STAP1: variants seen among roughly 807,000 people sequenced by gnomAD.
STAP1 encodes signal-transducing adaptor protein 1.
In STAP1, 30 loss-of-function variants were observed where a neutral mutation model predicts 37.8. The ratio of observed to expected loss-of-function variants is 0.79; its 90% CI spans 0.59 to 1.08. The LOEUF (loss-of-function observed/expected upper bound fraction) is 1.08, where lower values mean the gene tolerates loss of function less well. Among genes scored for constraint, STAP1 ranks in the 50% least tolerant of loss-of-function variants. STAP1 has a pLI of 0.00. For synonymous variants in STAP1, 130 were observed against 116.0 expected, an observed-to-expected ratio of 1.12 and a Z score of -0.78; for missense variants, 357 against 349.4, an observed-to-expected ratio of 1.02 and a Z score of -0.17.
At chr4:67,569,204 T>C (rs187028875) in intron 1 of STAP1, among the ~76,000 whole-genome samples, 2 of 152,334 alleles carry the variant, frequency 1.3e-5, no homozygotes, top group Non-Finnish European at 2.9e-5. Flanking sequence ...TATCTAAACA[T>C]ATCTAAACAT....
chr4:67,588,013 C>T (rs1416567710), intron 6 of STAP1, among the ~76,000 whole-genome samples: 5 of 141,228 alleles, frequency 3.5e-5, no homozygotes, highest in East Asian at 2.1e-4. Context: ...TGTGAGCCAC[C>T]GCACCCGGCT....
At chr4:67,564,487 T>A (rs1220644084) in intron 1 of STAP1, among the ~76,000 whole-genome samples, 2 of 152,220 alleles carry the variant, frequency 1.3e-5, no homozygotes, top group African/African-American at 4.8e-5. Context: ...TCAGTAATAC[T>A]AGTTTTTATA....
Position 67,581,400 on chromosome 4 carries a change from G to A in STAP1, c.459G>A (p.Glu153=), listed in dbSNP as rs1727853837. ...EREKKRRIET[E]QSTSVEKEKE... ...AAAAGAAAAGGAGGATTGAGACAGA[G>A]CAGAGTACGTCCGTGGAAAAAGAGA... The change falls in exon 5 of 9, where the codon GAG becomes GAA. Residue 153 remains glutamate (E), a synonymous_variant. Transcript: ENST00000265404. 1 of 1,613,984 alleles carries A rather than the reference G, an allele frequency of 6.2e-7. No individual in the cohort carries two copies. Among genetic ancestry groups the A allele is most frequent in the African/African-American group, 1.3e-5 (1 of 74,948 alleles).
At chr4:67,582,472 C>G (rs1727885955) in intron 5 of STAP1, among the ~76,000 whole-genome samples, 1 of 151,892 alleles carries the variant, frequency 6.6e-6, no homozygotes, top group Admixed American at 6.6e-5. Flanking sequence ...CCGTGCCCAG[C>G]TAATTTTTGT....
intron 4 of STAP1, 105 bp downstream of exon 4, chr4:67,577,364 T>A (rs1005588482): frequency 2.1e-6 from 2 of 947,802 alleles, no homozygotes; most frequent in African/African-American, 1.7e-5. Context: ...ATATAGCAAT[T>A]GAAAAAGATA....
At chr4:67,586,177 G>A (rs1560463387) in intron 6 of STAP1, among the ~76,000 whole-genome samples, 1 of 151,846 alleles carries the variant, frequency 6.6e-6, no homozygotes, top group Admixed American at 6.6e-5. Context: ...TGCATATTTC[G>A]GCCAGGCACG....
chr4:67,585,176 A>C (rs1727953299), intron 6 of STAP1, among the ~76,000 whole-genome samples: 1 of 152,196 alleles, frequency 6.6e-6, no homozygotes, highest in African/African-American at 2.4e-5. Context: ...TCTTTAATAT[A>C]TATGCATAAA....
intron 2 of STAP1, among the ~76,000 whole-genome samples, chr4:67,571,979 G>A (rs3775864): frequency 0.8 from 121,962 of 152,224 alleles, 50,041 homozygotes; most frequent in Non-Finnish European, 0.9. Context: ...GTCAGTAAAT[G>A]TAAAAGAGCT....
At chr4:67,571,276 A>G in intron 2 of STAP1, 121 bp downstream of exon 2, 1 of 688,416 alleles carries the variant, frequency 1.5e-6, no homozygotes, top group East Asian at 2.8e-5. Context: ...ATTAATTCAA[A>G]AAATAAAGTT....
Position 67,577,214 on chromosome 4 carries a change from A to G in STAP1, c.318A>G (p.Thr106=). The G allele has an allele frequency of 6.2e-7, 1 of 1,611,106 alleles. No homozygotes were observed. Among genetic ancestry groups the G allele is most frequent in the South Asian group, 1.1e-5 (1 of 90,312 alleles). ...KEEVQLKTEN[T]ESGEEWRGFI... ...GTCTTCAACTTTAGACAGAGAACAC[A>G]GAAAGTGGGGAAGAATGGAGAGGCT... The change falls in exon 4 of 9, where the codon ACA becomes ACG. Residue 106 remains threonine (T), a synonymous_variant. Transcript: ENST00000265404.
intron 8 of STAP1, among the ~76,000 whole-genome samples, chr4:67,599,599 TC>T (rs1728295946): frequency 6.6e-6 from 1 of 152,042 alleles, no homozygotes; most frequent in African/African-American, 2.4e-5. Flanking sequence ...CTTCTTTTTT[TC>T]TTAGTCTGAG....
At position 67,606,543 on chromosome 4, in the gene STAP1, A is replaced by G; in HGVS notation, c.*186A>G. 1 of 546,646 alleles carries G rather than the reference A, an allele frequency of 1.8e-6. No individual in the cohort carries two copies. Among genetic ancestry groups the G allele is most frequent in the East Asian group, 3.2e-5 (1 of 30,876 alleles). The allele number at this position is 546,646 out of a possible 1,614,324, so 33.9% of individuals were successfully genotyped here. ...TATCTTATCAGAATGAAACCAATTC[A>G]CAGGGAAACTAGAGACTACGGCTGT... On this transcript the variant is annotated 3_prime_UTR_variant, in exon 9 of 9. Transcript: ENST00000265404.
At chr4:67,604,296 A>T (rs888712200) in intron 8 of STAP1, among the ~76,000 whole-genome samples, 5 of 152,192 alleles carry the variant, frequency 3.3e-5, no homozygotes, top group Admixed American at 3.3e-4. Context: ...TACCCTCTTC[A>T]GTGTCTCTTT....
intron 1 of STAP1, among the ~76,000 whole-genome samples, chr4:67,564,771 G>A (rs1322663264): frequency 2.0e-5 from 3 of 152,156 alleles, no homozygotes; most frequent in Non-Finnish European, 4.4e-5. Context: ...AAATTAGCCA[G>A]GCATGGTGGC....
intron 2 of STAP1, among the ~76,000 whole-genome samples, chr4:67,574,622 G>T (rs1224403210): frequency 6.6e-6 from 1 of 152,042 alleles, no homozygotes; most frequent in East Asian, 1.9e-4. Context: ...ACTTTTTAAA[G>T]CCTACACCAA....
chr4:67,569,056 T>C (rs574443615), intron 1 of STAP1, among the ~76,000 whole-genome samples: 1 of 152,322 alleles, frequency 6.6e-6, no homozygotes, highest in East Asian at 1.9e-4. Context: ...GGAGTATACT[T>C]ATGCAACCAT....
chr4:67,567,232 A>G (rs934267381), intron 1 of STAP1, among the ~76,000 whole-genome samples: 4 of 152,206 alleles, frequency 2.6e-5, no homozygotes, highest in Admixed American at 2.0e-4. Context: ...CTAGTTTTAT[A>G]ACTACTTCTT....
chr4:67,584,809 GC>G (rs896446965), intron 6 of STAP1, among the ~76,000 whole-genome samples: 11 of 152,262 alleles, frequency 7.2e-5, no homozygotes, highest in African/African-American at 2.4e-4. Context: ...ATCACTCAGA[GC>G]CCTACAGATC....
chr4:67,572,743 C>CA (rs1383142987), intron 2 of STAP1, among the ~76,000 whole-genome samples: 1 of 152,212 alleles, frequency 6.6e-6, no homozygotes, highest in African/African-American at 2.4e-5. Flanking sequence ...GTAGCTGGCA[C>CA]ATAGTAAGCA....
Sources: gnomAD v4.1 joint callset for allele counts (sites outside exome capture counted in the v4.1 genomes callset) on GRCh38, gnomAD v4.1.1 for gene constraint, MANE v1.5 for transcripts, NCBI Gene and HGNC (gene_info 2026-07-23, HGNC 2026-07-21) for gene names.